The following AK9 variants were observed in gnomAD, a reference collection of about 807,000 sequenced individuals.
AK9 encodes the protein adenylate kinase 9, also known as adenylate kinase domain containing 1.
A neutral mutation model predicts 239.6 loss-of-function variants in AK9; 191 were observed. The ratio of observed to expected loss-of-function variants is 0.80; its 90% confidence interval spans 0.71 to 0.90. AK9 has a LOEUF of 0.90. Ranked by LOEUF, AK9 falls within the 40% of genes least tolerant of loss-of-function variation. The pLI is 0.00. For missense variants in AK9, 1,995 were observed against 2,214.7 expected, an observed-to-expected ratio of 0.90 and a Z score of 1.99; for synonymous variants, 689 against 721.0, an observed-to-expected ratio of 0.96 and a Z score of 0.71.
rs145389108 is a variant in AK9, at chr6:109,618,607, T to A, written c.1399+485A>T. Among the ~76,000 whole-genome samples the A allele has an allele frequency of 1.7e-3, 253 of 152,196 alleles. 4 individuals carry two copies. The highest frequency in any genetic ancestry group is 6.8e-3 in the Middle Eastern group (2 of 294). On this transcript the variant is annotated intron_variant, in intron 13 of 40. Transcript: ENST00000424296. ...GGGAGCCATTCAACCTCCATGAACC[T>A]CAGTTCTCTCAACTATAAAATTAGA...
chr6:109,528,457 G>A (rs1474010234), intron 29 of AK9: 2 of 422,026 alleles, frequency 4.7e-6, no homozygotes, highest in Non-Finnish European at 9.5e-6. Flanking sequence ...AATGAAAATC[G>A]AGGCAAATAA....
In AK9 at chr6:109,506,535, T is replaced by C. The variant is rs1778139921; in HGVS notation, c.4641A>G (p.Pro1547=). Residue 1547 remains proline (P), a synonymous_variant, in exon 35 of 41, where the codon CCA becomes CCG. Transcript: ENST00000424296. ...CTACAATTTGTGCACTATTGTGCAA[T>C]GGATAAGGCAATCTAATAGGGAAAC... is the stretch of plus-strand genomic sequence containing the variant. ...EKENEQRLPY[P]LHNSAQIVAV... The C allele has an allele frequency of 1.3e-6, 2 of 1,585,528 alleles. No homozygotes were observed. The highest frequency in any genetic ancestry group is 1.7e-6 in the Non-Finnish European group (2 of 1,163,042).
chr6:109,650,175 G>A (rs1451759469), intron 8 of AK9, among the ~76,000 whole-genome samples: 1 of 152,050 alleles, frequency 6.6e-6, no homozygotes, highest in Admixed American at 6.6e-5. Context: ...AGAGGCATGG[G>A]CAAGGACTTC....
intron 24 of AK9, among the ~76,000 whole-genome samples, chr6:109,551,088 T>C (rs1275639012): frequency 6.6e-6 from 1 of 152,118 alleles, no homozygotes; most frequent in Non-Finnish European, 1.5e-5. Flanking sequence ...TTTTTAAAAA[T>C]ACAAAGGGAA....
At chr6:109,582,081 T>C (rs373919100) in intron 19 of AK9, among the ~76,000 whole-genome samples, 53 of 152,288 alleles carry the variant, frequency 3.5e-4, no homozygotes, top group African/African-American at 9.9e-4. Context: ...ATCTACTGCT[T>C]AGAAAAAAAG....
intron 1 of AK9, among the ~76,000 whole-genome samples, chr6:109,682,864 T>C (rs1018624975): frequency 6.6e-6 from 1 of 152,026 alleles, no homozygotes; most frequent in African/African-American, 2.4e-5. Flanking sequence ...TTCCAATCAA[T>C]AGAAAAAGAG....
chr6:109,519,377 TCTGAGAAATCTTCAAA>T (rs1554238701), intron 29 of AK9, among the ~76,000 whole-genome samples: 1 of 152,230 alleles, frequency 6.6e-6, no homozygotes, highest in Non-Finnish European at 1.5e-5. Context: ...TTTTGAGTTA[TCTGAGAAATCTTCAAA>T]CTGCCTTCCA....
intron 36 of AK9, 40 bp downstream of exon 36, chr6:109,499,004 T>G (rs746693553): frequency 7.2e-7 from 1 of 1,385,074 alleles, no homozygotes; most frequent in Non-Finnish European, 9.5e-7. Context: ...TAAGACATTT[T>G]CTTTCTTTAG....
At chr6:109,592,447 T>TTTC (rs1332900773) in intron 17 of AK9, among the ~76,000 whole-genome samples, 413 of 28,464 alleles carry the variant, frequency 0.015, 6 homozygotes, top group East Asian at 0.076. Context: ...ATGGGATTTC[T>TTTC]TTTTTTTTTT....
At chr6:109,667,664 G>C (rs545574306) in intron 5 of AK9, among the ~76,000 whole-genome samples, 39 of 150,148 alleles carry the variant, frequency 2.6e-4, no homozygotes, top group African/African-American at 9.5e-4. Context: ...TTGGTTTTTT[G>C]TCCTTGCGAT....
rs1583281458 is a variant in AK9 at position 109,619,194 on chromosome 6, C to T, written c.1297G>A (p.Ala433Thr). The stretch of plus-strand genomic sequence containing the variant: ...GTATTTTCTACTAATGTTTCACGGG[C>T]TTTATCAAAACGTGGCTGAACAAGT... ...AQLVQPRFDKARETLVENTIA... is the reference protein window; with the variant it reads ...AQLVQPRFDKTRETLVENTIA... The change falls in exon 13 of 41, where the codon GCC becomes ACC. Residue 433 changes from alanine to threonine, a missense_variant. Transcript: ENST00000424296. The T allele has an allele frequency of 1.9e-6, 3 of 1,550,084 alleles. No individual in the cohort carries two copies. The highest frequency in any genetic ancestry group is 1.7e-4 in the Middle Eastern group (1 of 5,988).
intron 5 of AK9, among the ~76,000 whole-genome samples, chr6:109,667,905 T>C (rs552795222): frequency 1.3e-5 from 2 of 152,366 alleles, no homozygotes; most frequent in East Asian, 3.9e-4. Flanking sequence ...TATATTCCTT[T>C]GGCTATATAC....
chr6:109,639,914 C>T (rs1034353778), intron 10 of AK9, among the ~76,000 whole-genome samples: 22 of 152,078 alleles, frequency 1.4e-4, no homozygotes, highest in Admixed American at 1.4e-3. Context: ...GAATCCTTTC[C>T]CCATTTCTTG....
intron 13 of AK9, among the ~76,000 whole-genome samples, chr6:109,617,444 T>C (rs113508957): frequency 0.017 from 1,591 of 94,822 alleles, 27 homozygotes; most frequent in African/African-American, 0.044. Context: ...AATTACATTA[T>C]GTATTAAAAG....
intron 1 of AK9, among the ~76,000 whole-genome samples, chr6:109,688,497 T>C (rs1773844492): frequency 6.6e-6 from 1 of 152,162 alleles, no homozygotes; most frequent in African/African-American, 2.4e-5. Context: ...AAGCTACTGG[T>C]TTGACAGAAT....
At chr6:109,597,927 C>T (rs1300734664) in intron 17 of AK9, among the ~76,000 whole-genome samples, 1 of 152,092 alleles carries the variant, frequency 6.6e-6, no homozygotes, top group South Asian at 2.1e-4. Flanking sequence ...TGTATTTCTT[C>T]TTTGATAAAA....
Position 109,603,478 on chromosome 6 carries a change from C to T in AK9, c.1842+6887G>A, listed in dbSNP as rs180938664. Among the ~76,000 whole-genome samples, 944 of 152,258 alleles carry T rather than the reference C, an allele frequency of 6.2e-3. 42 individuals are homozygous for T. The highest frequency in any genetic ancestry group is 0.057 in the Admixed American group (870 of 15,298). On this transcript the variant is annotated intron_variant, in intron 17 of 40. Transcript: ENST00000424296. ...CTGGCCGTGTGAGGTGTCAGTCTGCCCCTACTGGGGGGTGCCTCCCAGTTA... is the reference window on the plus strand; with the variant it reads ...CTGGCCGTGTGAGGTGTCAGTCTGCTCCTACTGGGGGGTGCCTCCCAGTTA...
intron 12 of AK9, among the ~76,000 whole-genome samples, chr6:109,620,612 G>A (rs1464492828): frequency 3.3e-5 from 5 of 151,848 alleles, no homozygotes; most frequent in Non-Finnish European, 7.4e-5. Flanking sequence ...TTCCCATTCT[G>A]CTTTTCTTTT....
chr6:109,534,851 C>T (rs1173447913), intron 27 of AK9, among the ~76,000 whole-genome samples: 3 of 151,862 alleles, frequency 2.0e-5, no homozygotes, highest in Admixed American at 6.6e-5. Context: ...TGAGAATATG[C>T]GGTGTTTGGT....
Sources: gnomAD v4.1 joint callset for allele counts (sites outside exome capture counted in the v4.1 genomes callset) on GRCh38, gnomAD v4.1.1 for gene constraint, MANE v1.5 for transcripts, NCBI Gene and HGNC (gene_info 2026-07-23, HGNC 2026-07-21) for gene names.